The following OSBPL10 variants were observed in gnomAD, a reference collection of about 807,000 sequenced individuals.
The protein encoded by OSBPL10 is oxysterol binding protein like 10.
OSBPL10 carries 49 observed loss-of-function variants against 81.7 expected under a neutral mutation model. The ratio of observed to expected loss-of-function variants is 0.60; its 90% CI spans 0.48 to 0.76. OSBPL10 has a LOEUF of 0.76. Ranked by LOEUF, OSBPL10 falls within the 30% of genes least tolerant of loss-of-function variation. The probability of loss-of-function intolerance (pLI) is 0.00; values close to 1 mark genes in which losing one functional copy is unlikely to be tolerated. For missense variants in OSBPL10, 923 were observed against 987.8 expected (o/e 0.93, Z 0.88); for synonymous variants, 419 against 383.6 (o/e 1.09, Z -1.08).
chr3:32,043,541 T>C (rs1699595409), intron 2 of OSBPL10, among the ~76,000 whole-genome samples: 2 of 152,180 alleles, frequency 1.3e-5, no homozygotes, highest in South Asian at 4.1e-4. Flanking sequence ...AAAGTATTAT[T>C]TGGGAACTGG....
At chr3:31,730,668 C>T (rs1315322351) in intron 6 of OSBPL10, among the ~76,000 whole-genome samples, 1 of 152,200 alleles carries the variant, frequency 6.6e-6, no homozygotes, top group Admixed American at 6.5e-5. Context: ...TTCTAACTCA[C>T]GTATTAAATA....
chr3:31,945,966 C>T (rs2125434673), intron 1 of OSBPL10, among the ~76,000 whole-genome samples: 1 of 150,796 alleles, frequency 6.6e-6, no homozygotes, highest in Non-Finnish European at 1.5e-5. Flanking sequence ...TCAACAGACA[C>T]TACTAAGTTT....
intron 2 of OSBPL10, among the ~76,000 whole-genome samples, chr3:32,014,333 A>T (rs1699292265): frequency 6.6e-6 from 1 of 152,248 alleles, no homozygotes; most frequent in South Asian, 2.1e-4. Context: ...AAACAGAACC[A>T]ATGACAAAAA....
At chr3:31,754,015 G>C (rs560603073) in intron 4 of OSBPL10, among the ~76,000 whole-genome samples, 2 of 152,268 alleles carry the variant, frequency 1.3e-5, no homozygotes, top group Non-Finnish European at 2.9e-5. Flanking sequence ...TTGGGGCACA[G>C]TCAGTCCTGG....
intron 4 of OSBPL10, among the ~76,000 whole-genome samples, chr3:31,763,991 A>G (rs1698132306): frequency 6.6e-6 from 1 of 152,244 alleles, no homozygotes; most frequent in African/African-American, 2.4e-5. Context: ...ACCATTTTAC[A>G]GAAGAGAGAA....
chr3:31,921,879 G>A (rs1408653293), intron 1 of OSBPL10, among the ~76,000 whole-genome samples: 4 of 152,182 alleles, frequency 2.6e-5, no homozygotes, highest in East Asian at 3.9e-4. Flanking sequence ...TTGATAGTAT[G>A]TACCCTTGAT....
chr3:31,787,525 C>T (rs1369795256), intron 4 of OSBPL10, among the ~76,000 whole-genome samples: 1 of 150,730 alleles, frequency 6.6e-6, no homozygotes, highest in Non-Finnish European at 1.5e-5. Context: ...AACCCGGGAG[C>T]TGGAGGTTGC....
chr3:31,908,153 C>T (rs1367724287), intron 1 of OSBPL10, among the ~76,000 whole-genome samples: 2 of 152,040 alleles, frequency 1.3e-5, no homozygotes, highest in African/African-American at 4.8e-5. Flanking sequence ...CAGTGCAACA[C>T]GGGTGGAGTG....
chr3:31,664,644 C>T (rs948460000), intron 10 of OSBPL10: 7 of 207,812 alleles, frequency 3.4e-5, no homozygotes, highest in Non-Finnish European at 4.9e-5. Flanking sequence ...TTCTTATCTC[C>T]ATTTTACAGA....
intron 1 of OSBPL10, among the ~76,000 whole-genome samples, chr3:31,923,142 C>T (rs543908203): frequency 5.9e-5 from 9 of 152,284 alleles, no homozygotes; most frequent in Admixed American, 2.0e-4. Context: ...GGTAACCACT[C>T]TCCTCTTATT....
chr3:31,933,385 C>T (rs1411517216), intron 1 of OSBPL10, among the ~76,000 whole-genome samples: 2 of 151,328 alleles, frequency 1.3e-5, no homozygotes, highest in African/African-American at 2.4e-5. Flanking sequence ...CTTTAAATGT[C>T]CTTTAAGGGG....
intron 4 of OSBPL10, among the ~76,000 whole-genome samples, chr3:31,769,223 A>G (rs2125741257): frequency 6.6e-6 from 1 of 152,156 alleles, no homozygotes; most frequent in South Asian, 2.1e-4. Flanking sequence ...CGGGCAGATC[A>G]CCTGAGGTCG....
intron 4 of OSBPL10, among the ~76,000 whole-genome samples, chr3:31,758,233 T>C (rs1697941603): frequency 6.6e-6 from 1 of 152,202 alleles, no homozygotes; most frequent in Non-Finnish European, 1.5e-5. Context: ...GTATACATGA[T>C]ATGTACATGT....
intron 8 of OSBPL10, among the ~76,000 whole-genome samples, chr3:31,680,507 T>A (rs970909931): frequency 1.3e-5 from 2 of 152,220 alleles, no homozygotes; most frequent in African/African-American, 2.4e-5. Flanking sequence ...GAATTATGCA[T>A]GGGTTCCTAG....
chr3:31,993,358 G>A (rs529770075), intron 2 of OSBPL10, among the ~76,000 whole-genome samples: 137 of 151,872 alleles, frequency 9.0e-4, no homozygotes, highest in African/African-American at 2.9e-3. Context: ...ACAGGCATGC[G>A]CCACCATGCC....
intron 2 of OSBPL10, chr3:31,988,749 C>T (rs756130183): frequency 1.9e-5 from 6 of 323,054 alleles, no homozygotes; most frequent in Non-Finnish European, 3.4e-5. Context: ...GTGCCAGCCA[C>T]TGTGTCAGTC....
chr3:31,831,038 G>T (rs1575572105), intron 3 of OSBPL10, among the ~76,000 whole-genome samples: 1 of 152,252 alleles, frequency 6.6e-6, no homozygotes, highest in East Asian at 1.9e-4. Flanking sequence ...ATGGATCAAA[G>T]ATTTAAGAAA....
intron 1 of OSBPL10, among the ~76,000 whole-genome samples, chr3:31,888,088 A>G (rs1695788419): frequency 6.6e-6 from 1 of 152,230 alleles, no homozygotes; most frequent in Admixed American, 6.5e-5. Flanking sequence ...ACAAAGCTGT[A>G]GTATCCAAAA....
chr3:31,744,096 T>C (rs1472819210), intron 5 of OSBPL10, among the ~76,000 whole-genome samples: 1 of 152,132 alleles, frequency 6.6e-6, no homozygotes, highest in Non-Finnish European at 1.5e-5. Context: ...AGACACACAG[T>C]AGGTTGTTTT....
Sources: allele counts gnomAD v4.1 joint callset (sites outside exome capture counted in the v4.1 genomes callset), GRCh38; gene constraint gnomAD v4.1.1; transcripts MANE v1.5; gene names NCBI Gene and HGNC (gene_info 2026-07-23, HGNC 2026-07-21).